The following ANKRD34B variants were observed in gnomAD, a reference collection of about 807,000 sequenced individuals.
The protein encoded by ANKRD34B is ankyrin repeat domain-containing protein 34B.
ANKRD34B carries 2 observed loss-of-function variants against 4.4 expected under a neutral mutation model. That is an observed-to-expected ratio of 0.46 (90% CI 0.19 to 1.44). ANKRD34B has a LOEUF of 1.44. Ranked by LOEUF, ANKRD34B falls within the 40% of genes most tolerant of loss-of-function variation. The pLI, the probability that ANKRD34B is intolerant of heterozygous loss-of-function variation, is 0.26. For synonymous variants in ANKRD34B, 226 were observed against 227.1 expected (o/e 0.99, Z 0.05); for missense variants, 558 against 604.7 (o/e 0.92, Z 0.81).
chr5:80,561,328 T>C (rs552216792), intron 4 of ANKRD34B, among the ~76,000 whole-genome samples: 1 of 152,290 alleles, frequency 6.6e-6, no homozygotes, highest in East Asian at 1.9e-4. Flanking sequence ...GTTTCATTGA[T>C]TCAGTAGTTT....
rs1162257416 is a variant in ANKRD34B at position 80,563,731 on chromosome 5, A to T, written c.-24+4T>A. 2 of 152,210 alleles carry T rather than the reference A, an allele frequency of 1.3e-5. No homozygotes were observed. Among genetic ancestry groups the T allele is most frequent in the African/African-American group, 2.4e-5 (1 of 41,462 alleles). 9.4% of individuals were successfully genotyped at this position (152,210 alleles called of 1,614,324 possible). Reference sequence around the variant, plus strand: ...TATAAAGGCTATCTTGGAGCCAGACATACCTGCAAGTCAGGAACTTAGGAA... The same window carrying T: ...TATAAAGGCTATCTTGGAGCCAGACTTACCTGCAAGTCAGGAACTTAGGAA... On this transcript the variant is annotated splice_donor_region_variant and intron_variant, in intron 4 of 4. Coordinates refer to ENST00000338682, the MANE Select transcript of ANKRD34B (RefSeq NM_001004441.3).
chr5:80,560,169 G>A (rs1314215351), intron 4 of ANKRD34B, 127 bp from the exon 5 acceptor site: 2 of 566,742 alleles, frequency 3.5e-6, no homozygotes, highest in Non-Finnish European at 6.1e-6. Flanking sequence ...ATTAATAAAT[G>A]CAGAACAAAA....
At chr5:80,562,782 A>G (rs1002198240) in intron 4 of ANKRD34B, among the ~76,000 whole-genome samples, 1 of 152,242 alleles carries the variant, frequency 6.6e-6, no homozygotes, top group African/African-American at 2.4e-5. Context: ...CCACATGTTT[A>G]GGTTCTTTCT....
intron 4 of ANKRD34B, among the ~76,000 whole-genome samples, chr5:80,563,323 ATTC>A (rs1432567171): frequency 9.2e-5 from 14 of 152,252 alleles, no homozygotes; most frequent in African/African-American, 3.1e-4. Flanking sequence ...TGTCCATTCT[ATTC>A]TTCTTCTTTA....
chr5:80,558,244 G>C lies in ANKRD34B; in HGVS notation c.*231C>G, dbSNP rs969293721. On this transcript the variant is annotated 3_prime_UTR_variant, in exon 5 of 5. Coordinates refer to ENST00000338682, the MANE Select transcript of ANKRD34B (RefSeq NM_001004441.3). ...ACATGGAGATTGTTAAATATTAGAAGCATTGAGAAAAATCGCTTTCCTTTT... is the reference window on the plus strand; with the variant it reads ...ACATGGAGATTGTTAAATATTAGAACCATTGAGAAAAATCGCTTTCCTTTT... 3.0e-6 allele frequency: 1 copy of C among 329,072 alleles called. No individual in the cohort carries two copies. The highest frequency in any genetic ancestry group is 4.5e-5 in the Admixed American group (1 of 22,452). The allele number at this position is 329,072 out of a possible 1,614,324, so 20.4% of individuals were successfully genotyped here. A position where few individuals can be genotyped will look rare whatever the true frequency, so the allele number is the denominator to read the frequency against.
Position 80,559,035 on chromosome 5 carries a change from A to G in ANKRD34B, c.985T>C (p.Ser329Pro). ...TCAATGCATTGCTGATTTCCTTCTGAAAGATAAGATTGACAATTTATTTCA... is the reference window on the plus strand; with the variant it reads ...TCAATGCATTGCTGATTTCCTTCTGGAAGATAAGATTGACAATTTATTTCA... ...YDEINCQSYL[S>P]EGNQQCIEVP... The change falls in exon 5 of 5, where the codon TCA becomes CCA. Residue 329 changes from serine to proline, a missense_variant. Transcript: ENST00000338682. 6.2e-7 allele frequency: 1 copy of G among 1,614,208 alleles called. No homozygotes were observed. The highest frequency in any genetic ancestry group is 1.3e-5 in the African/African-American group (1 of 75,058).
intron 4 of ANKRD34B, among the ~76,000 whole-genome samples, chr5:80,563,533 A>G (rs1055178491): frequency 2.6e-5 from 4 of 152,220 alleles, no homozygotes; most frequent in African/African-American, 9.6e-5. Context: ...TTGTGCCTTG[A>G]CTTTCACTGG....
At position 80,559,672 on chromosome 5, in the gene ANKRD34B, A is replaced by G; in HGVS notation, c.348T>C (p.His116=). The G allele has an allele frequency of 1.2e-6, 2 of 1,614,174 alleles. No homozygotes were observed. Among genetic ancestry groups the G allele is most frequent in the Non-Finnish European group, 1.7e-6 (2 of 1,180,032 alleles). ...KSGADLSLQD[H]SSYSALVYAI... The stretch of plus-strand genomic sequence containing the variant: ...CATAAACAAGAGCTGAGTAACTAGA[A>G]TGGTCTTGCAAGCTGAGGTCAGCCC... Residue 116 remains histidine (H), a synonymous_variant, in exon 5 of 5, where the codon CAT becomes CAC. Coordinates refer to ENST00000338682, the MANE Select transcript of ANKRD34B (RefSeq NM_001004441.3).
chr5:80,567,032 G>C lies in ANKRD34B; in HGVS notation c.-190-258C>G, dbSNP rs186231119. Reference sequence around the variant, plus strand: ...TTGGAAGGGCCTCGGCACTCACTTGGTGCAGATCAGGAGGCTGAGAAAGGA... The same window carrying C: ...TTGGAAGGGCCTCGGCACTCACTTGCTGCAGATCAGGAGGCTGAGAAAGGA... On this transcript the variant is annotated intron_variant, in intron 2 of 4. Coordinates refer to ENST00000338682, the MANE Select transcript of ANKRD34B (RefSeq NM_001004441.3). Among the ~76,000 whole-genome samples the C allele has an allele frequency of 3.9e-5, 6 of 152,302 alleles. No homozygotes were observed. In the East Asian group the frequency reaches 1.2e-3, roughly 29 times the overall value.
Position 80,558,656 on chromosome 5 carries a change from T to C in ANKRD34B, c.1364A>G (p.Asn455Ser). The C allele has an allele frequency of 3.1e-6, 5 of 1,614,098 alleles. No homozygotes were observed. The South Asian group carries it at 5.5e-5, about 18-fold the overall frequency. The change falls in exon 5 of 5, where the codon AAT becomes AGT. Residue 455 changes from asparagine (N) to serine (S), a missense_variant. Physicochemically the swap from Asn to Ser is conservative, Grantham distance 46 (BLOSUM62 1). Transcript: ENST00000338682. ...RQGFLPPLNV[N>S]SHPPISDINV... ...GATATCTGAGATGGGAGGGTGAGAA[T>C]TTACATTTAAGGGTGGGAGAAACCC...
rs1044598650 is a variant in ANKRD34B at position 80,557,094 on chromosome 5, T to C, written c.*1381A>G. On this transcript the variant is annotated 3_prime_UTR_variant, in exon 5 of 5. Coordinates refer to ENST00000338682, the MANE Select transcript of ANKRD34B (RefSeq NM_001004441.3). ...CATCATGCCAATTGTTAGGATCACC[T>C]CTACTTGGAAGGCAAAGAAAGTTGT... The C allele has an allele frequency of 6.6e-6, 1 of 152,598 alleles. No individual in the cohort carries two copies. Among genetic ancestry groups the C allele is most frequent in the Non-Finnish European group, 1.5e-5 (1 of 68,018 alleles). The allele number at this position is 152,598 out of a possible 1,614,324, so 9.5% of individuals were successfully genotyped here. A position where few individuals can be genotyped will look rare whatever the true frequency, so the allele number is the denominator to read the frequency against.
In ANKRD34B at chr5:80,557,492, C is replaced by A. The variant is rs2112701473; in HGVS notation, c.*983G>T. 6.6e-6 allele frequency: 1 copy of A among 151,702 alleles called. No individual in the cohort carries two copies. The highest frequency in any genetic ancestry group is 2.1e-4 in the South Asian group (1 of 4,806). 9.4% of individuals were successfully genotyped at this position (151,702 alleles called of 1,614,324 possible). On this transcript the variant is annotated 3_prime_UTR_variant, in exon 5 of 5. Transcript: ENST00000338682. The stretch of plus-strand genomic sequence containing the variant: ...TTAATTTTAGCTAACCTAATCTAAT[C>A]ATCAGTTTTTCTTTTTAAAAGAAGG...
rs577775045 is a variant in ANKRD34B, at chr5:80,557,059, C to A, written c.*1416G>T. On this transcript the variant is annotated 3_prime_UTR_variant, in exon 5 of 5. Transcript: ENST00000338682. ...ATTACAACTTGCTTATATCAAATTA[C>A]CAAGAAAAGCATCATGCCAATTGTT... 1 of 152,574 alleles carries A rather than the reference C, an allele frequency of 6.6e-6. No individual in the cohort carries two copies. Among genetic ancestry groups the A allele is most frequent in the South Asian group, 2.1e-4 (1 of 4,820 alleles). 9.5% of individuals were successfully genotyped at this position (152,574 alleles called of 1,614,324 possible). A position where few individuals can be genotyped will look rare whatever the true frequency, so the allele number is the denominator to read the frequency against.
rs1014258339 is a variant in ANKRD34B at position 80,559,014 on chromosome 5, T to G, written c.1006A>C (p.Ile336Leu). 6.2e-7 allele frequency: 1 copy of G among 1,614,116 alleles called. No individual in the cohort carries two copies. Among genetic ancestry groups the G allele is most frequent in the African/African-American group, 1.3e-5 (1 of 74,936 alleles). The change falls in exon 5 of 5, where the codon ATT becomes CTT. Residue 336 changes from isoleucine (I) to leucine (L), a missense_variant. Coordinates refer to ENST00000338682, the MANE Select transcript of ANKRD34B (RefSeq NM_001004441.3). The stretch of plus-strand genomic sequence containing the variant: ...GGGTCCTGGTCAACAGGGACTTCAA[T>G]GCATTGCTGATTTCCTTCTGAAAGA... ...SYLSEGNQQC[I>L]EVPVDQDPDS...
chr5:80,560,628 C>T (rs1411117865), intron 4 of ANKRD34B, among the ~76,000 whole-genome samples: 1 of 152,052 alleles, frequency 6.6e-6, no homozygotes, highest in Admixed American at 6.6e-5. Context: ...CCTACCTGCA[C>T]TCAGCCTGGG....
rs1210906095 is a variant in ANKRD34B at position 80,560,151 on chromosome 5, A to G, written c.-23-109T>C. On this transcript the variant is annotated intron_variant, in intron 4 of 4. Transcript: ENST00000338682. ...AAAATATGTAGGGGACATAAATGGGATCATGCTATTAATAAATGCAGAACA... is the reference window on the plus strand; with the variant it reads ...AAAATATGTAGGGGACATAAATGGGGTCATGCTATTAATAAATGCAGAACA... The G allele has an allele frequency of 4.8e-6, 3 of 626,672 alleles. No homozygotes were observed. The African/African-American group carries it at 5.5e-5, about 12-fold the overall frequency. 38.8% of individuals were successfully genotyped at this position (626,672 alleles called of 1,614,324 possible).
chr5:80,558,444 A>T lies in ANKRD34B; in HGVS notation c.*31T>A. The T allele has an allele frequency of 6.9e-7, 1 of 1,459,200 alleles. No individual in the cohort carries two copies. The highest frequency in any genetic ancestry group is 1.3e-5 in the South Asian group (1 of 79,298). 90.4% of individuals were successfully genotyped at this position (1,459,200 alleles called of 1,614,324 possible). A position where few individuals can be genotyped will look rare whatever the true frequency, so the allele number is the denominator to read the frequency against. On this transcript the variant is annotated 3_prime_UTR_variant, in exon 5 of 5. Coordinates refer to ENST00000338682, the MANE Select transcript of ANKRD34B (RefSeq NM_001004441.3). ...AGTTCTTTGTTTCTCTGATATAAAC[A>T]TTTGAAGAAGATGTGTTTTATACCC... is the stretch of plus-strand genomic sequence containing the variant.
chr5:80,557,545 ATTTT>A lies in ANKRD34B; in HGVS notation c.*926_*929del, dbSNP rs762211813. On this transcript the variant is annotated 3_prime_UTR_variant, in exon 5 of 5. Transcript: ENST00000338682. ...AGCGCTTAGTTTTTATCCATGATGA[ATTTT>A]TTTTTTTTGGTTCTTTTTGAAAGAC... is the stretch of plus-strand genomic sequence containing the variant. The A allele has an allele frequency of 1.2e-4, 17 of 147,302 alleles. No individual in the cohort carries two copies. The highest frequency in any genetic ancestry group is 4.2e-4 in the African/African-American group (17 of 40,516). 9.1% of individuals were successfully genotyped at this position (147,302 alleles called of 1,614,324 possible). A position where few individuals can be genotyped will look rare whatever the true frequency, so the allele number is the denominator to read the frequency against.
In ANKRD34B at chr5:80,559,558, T is replaced by C. The variant is rs765197369; in HGVS notation, c.462A>G (p.Ala154=). 1 of 1,614,102 alleles carries C rather than the reference T, an allele frequency of 6.2e-7. No individual in the cohort carries two copies. The highest frequency in any genetic ancestry group is 8.5e-7 in the Non-Finnish European group (1 of 1,180,022). ...TAGTATGCTTCCCACAGGGCAACTT[T>C]GCTGTTGTGATGATGATGACCTCTT... ...KGKEVIIITT[A]KLPCGKHTTK... is the part of the protein sequence containing the mutation. The change falls in exon 5 of 5, where the codon GCA becomes GCG. Residue 154 remains alanine, a synonymous_variant. Coordinates refer to ENST00000338682, the MANE Select transcript of ANKRD34B (RefSeq NM_001004441.3).
Sources: allele counts gnomAD v4.1 joint callset (sites outside exome capture counted in the v4.1 genomes callset), GRCh38; gene constraint gnomAD v4.1.1; transcripts MANE v1.5; gene names NCBI Gene and HGNC (gene_info 2026-07-23, HGNC 2026-07-21).